The following PHC2 variants were observed in gnomAD, a reference collection of about 807,000 sequenced individuals.
PHC2 encodes the protein polyhomeotic-like protein 2.
Under a neutral mutation model 87.4 loss-of-function variants are expected in PHC2, and 29 were observed. That is an observed-to-expected ratio of 0.33 (90% CI 0.25 to 0.45). The LOEUF is 0.45. PHC2 is among the 20% of genes least tolerant of loss of function. The probability of loss-of-function intolerance (pLI) is 1.00; values close to 1 mark genes in which losing one functional copy is unlikely to be tolerated. For synonymous variants in PHC2, 438 were observed against 461.7 expected (o/e 0.95, Z 0.66); for missense variants, 857 against 1,136.7 (o/e 0.75, Z 3.54).
chr1:33,359,452 T>C (rs1647154816), intron 7 of PHC2, among the ~76,000 whole-genome samples: 1 of 152,220 alleles, frequency 6.6e-6, no homozygotes, highest in Non-Finnish European at 1.5e-5. Context: ...AGAATGTGCC[T>C]GTGGGAGAGG....
intron 1 of PHC2, among the ~76,000 whole-genome samples, chr1:33,386,846 TACAC>T (rs1169707920): frequency 6.6e-6 from 1 of 151,978 alleles, no homozygotes; most frequent in Non-Finnish European, 1.5e-5. Flanking sequence ...ACACAGCACA[TACAC>T]AAAGTGCACA....
chr1:33,390,684 CAT>C (rs1491252027), intron 1 of PHC2, among the ~76,000 whole-genome samples: 2 of 82,844 alleles, frequency 2.4e-5, no homozygotes, highest in African/African-American at 8.1e-5. Context: ...CAGGAGTCAG[CAT>C]TTTTTTTTTT....
At chr1:33,425,412 C>A (rs557821241) in intron 1 of PHC2, among the ~76,000 whole-genome samples, 4 of 152,302 alleles carry the variant, frequency 2.6e-5, no homozygotes, top group African/African-American at 9.6e-5. Flanking sequence ...ATGAGTTATT[C>A]TTAAGCTCTT....
At chr1:33,427,542 G>A (rs556132596) in intron 1 of PHC2, among the ~76,000 whole-genome samples, 1 of 151,914 alleles carries the variant, frequency 6.6e-6, no homozygotes, top group African/African-American at 2.4e-5. Flanking sequence ...TCATGCCACA[G>A]TTCTCTCTCA....
intron 9 of PHC2, among the ~76,000 whole-genome samples, 150 bp downstream of exon 9, chr1:33,354,248 ATCT>A (rs1647026050): frequency 1.3e-5 from 2 of 152,138 alleles, no homozygotes; most frequent in East Asian, 1.9e-4. Flanking sequence ...TCCCTGGTTC[ATCT>A]TCTCACATCC....
chr1:33,391,800 A>C (rs1368723172), intron 1 of PHC2, among the ~76,000 whole-genome samples: 1 of 152,194 alleles, frequency 6.6e-6, no homozygotes, highest in Non-Finnish European at 1.5e-5. Context: ...ATCTCAGAGG[A>C]GGCGATGGGC....
At chr1:33,397,448 GAATTGTTTTGAGCCATCCTCTTAATTAT>G (rs1183658520) in intron 1 of PHC2, among the ~76,000 whole-genome samples, 1 of 152,210 alleles carries the variant, frequency 6.6e-6, no homozygotes, top group Non-Finnish European at 1.5e-5. Context: ...AGCTTAAGAG[GAATTGTTTTGAGCCATCCTCTTAATTAT>G]AATCTTACCC....
chr1:33,388,723 T>G (rs1355222690), intron 1 of PHC2, among the ~76,000 whole-genome samples: 2 of 152,196 alleles, frequency 1.3e-5, no homozygotes, highest in Non-Finnish European at 2.9e-5. Context: ...CAGCACAGAA[T>G]GGGCATCATT....
At chr1:33,345,304 A>T (rs746754884) in intron 9 of PHC2, 1 of 152,890 alleles carries the variant, frequency 6.5e-6, no homozygotes. Flanking sequence ...TTTTAAAGTC[A>T]TAATAGCAAA....
Position 33,368,277 on chromosome 1 carries a change from C to A in PHC2, c.663+259G>T, listed in dbSNP as rs945708361. On this transcript the variant is annotated intron_variant, in intron 6 of 14. Transcript: ENST00000683057. This position sits in a 1 kb window ranked among gnomAD's most constrained non-coding sequence, Gnocchi z 6.6. ...AAAGTATGGAGGGTAGCACAGCCCA[C>A]CCCTCCCTGGCAAATCATGCTGGCC... Among the ~76,000 whole-genome samples, 10 of 152,348 alleles carry A rather than the reference C, an allele frequency of 6.6e-5. No individual in the cohort carries two copies. The highest frequency in any genetic ancestry group is 2.1e-4 in the South Asian group (1 of 4,832).
At chr1:33,335,286 G>A (rs914787674) in intron 9 of PHC2, 5 of 985,070 alleles carry the variant, frequency 5.1e-6, no homozygotes, top group East Asian at 1.1e-4. Context: ...ACTCTCTCCC[G>A]CCCCCTTCCC....
chr1:33,370,601 T>C lies in PHC2; in HGVS notation c.412-16A>G, dbSNP rs1209417530. The stretch of plus-strand genomic sequence containing the variant: ...CCAGGTTGATCTAATGAGAGAGACA[T>C]GTGCGGTAGGAGATAGGAGGTTCTG... On this transcript the variant is annotated splice_polypyrimidine_tract_variant and intron_variant, in intron 4 of 14. Coordinates refer to ENST00000683057, the MANE Select transcript of PHC2 (RefSeq NM_001385109.1). 3.1e-6 allele frequency: 5 copies of C among 1,606,452 alleles called. No individual in the cohort carries two copies. Among genetic ancestry groups the C allele is most frequent in the South Asian group, 2.2e-5 (2 of 90,452 alleles).
At chr1:33,412,930 C>A (rs560931766) in intron 1 of PHC2, among the ~76,000 whole-genome samples, 1 of 151,584 alleles carries the variant, frequency 6.6e-6, no homozygotes, top group South Asian at 2.1e-4. Context: ...TCATCAGGGA[C>A]CTTACATATG....
At chr1:33,403,101 G>T (rs542788638) in intron 1 of PHC2, among the ~76,000 whole-genome samples, 1 of 147,618 alleles carries the variant, frequency 6.8e-6, no homozygotes, top group Admixed American at 6.8e-5. Context: ...GATTACAGGC[G>T]TGAGCCACTG....
rs1432258744 is a variant in PHC2, at chr1:33,379,432, CT to C, written c.-54-3840del. Among the ~76,000 whole-genome samples, 7 of 33,952 alleles carry C rather than the reference CT, an allele frequency of 2.1e-4. 1 individual carries two copies. Among genetic ancestry groups the C allele is most frequent in the African/African-American group, 8.8e-4 (7 of 7,992 alleles). 22.3% of individuals were successfully genotyped at this position (33,952 alleles called of 152,430 possible). A position where few individuals can be genotyped will look rare whatever the true frequency, so the allele number is the denominator to read the frequency against. ...CCCCCTTGCCCTCCCACCATTCCCC[CT>C]GTCCCCCCACCATCCCCCCCGCCCC... On this transcript the variant is annotated intron_variant, in intron 1 of 14. Coordinates refer to ENST00000683057, the MANE Select transcript of PHC2 (RefSeq NM_001385109.1).
chr1:33,336,441 G>A (rs1351291110), intron 9 of PHC2: 1 of 102,500 alleles, frequency 9.8e-6, no homozygotes, highest in Non-Finnish European at 2.0e-5. Flanking sequence ...GGCCATCTAA[G>A]AGAAAGGACC....
chr1:33,353,950 G>A (rs554219593), intron 9 of PHC2, among the ~76,000 whole-genome samples: 2 of 152,294 alleles, frequency 1.3e-5, no homozygotes, highest in South Asian at 4.1e-4. Flanking sequence ...CTTCCTGTGA[G>A]CTGAACTCAT....
chr1:33,403,905 G>T (rs1245481293), intron 1 of PHC2, among the ~76,000 whole-genome samples: 1 of 151,926 alleles, frequency 6.6e-6, no homozygotes, highest in Non-Finnish European at 1.5e-5. Context: ...GGCTTGTCTC[G>T]TACCACCTAA....
intron 13 of PHC2, 101 bp downstream of exon 13, chr1:33,329,970 C>G (rs370052257): frequency 1.2e-5 from 15 of 1,301,040 alleles, no homozygotes; most frequent in Admixed American, 4.0e-5. Context: ...CAGCAGAGTG[C>G]GCTGAAGTCG....
Sources: allele counts gnomAD v4.1 joint callset (sites outside exome capture counted in the v4.1 genomes callset), GRCh38; gene constraint gnomAD v4.1.1; non-coding constraint Gnocchi (gnomAD v3.1); transcripts MANE v1.5; gene names NCBI Gene and HGNC (gene_info 2026-07-23, HGNC 2026-07-21).